Variants in MALRD1 observed in about 807,000 individuals in gnomAD.
The protein encoded by MALRD1 is MAM and LDL receptor class A domain containing 1, also known as MAM and LDL-receptor class A domain-containing protein 1.
Under a neutral mutation model 242.1 loss-of-function variants are expected in MALRD1, and 247 were observed. The observed-to-expected ratio is 1.02, with a 90% confidence interval of 0.92 to 1.13. The LOEUF is 1.13. Among genes scored for constraint, MALRD1 ranks in the 50% most tolerant of loss-of-function variants. The pLI is 0.00. For missense variants in MALRD1, 2,989 were observed against 2,533.1 expected, an observed-to-expected ratio of 1.18 and a Z score of -3.86; for synonymous variants, 995 against 866.6, an observed-to-expected ratio of 1.15 and a Z score of -2.60.
intron 32 of MALRD1, among the ~76,000 whole-genome samples, chr10:19,559,332 C>T (rs1051225422): frequency 2.0e-5 from 3 of 151,898 alleles, no homozygotes; most frequent in African/African-American, 2.4e-5. Context: ...AGAGGTTTAG[C>T]AATTTTATTA....
chr10:19,384,441 T>G (rs1449830500), intron 26 of MALRD1, among the ~76,000 whole-genome samples: 6 of 117,354 alleles, frequency 5.1e-5, no homozygotes, highest in Non-Finnish European at 8.2e-5. Flanking sequence ...TATTATATAT[T>G]ATATAGTATA....
chr10:19,076,925 T>C (rs1050146979), intron 2 of MALRD1, among the ~76,000 whole-genome samples: 5 of 152,002 alleles, frequency 3.3e-5, no homozygotes, highest in Non-Finnish European at 5.9e-5. Context: ...CAGGCTATCA[T>C]GCATCATGTC....
chr10:19,261,149 T>C (rs10827168), intron 19 of MALRD1, among the ~76,000 whole-genome samples: 48,232 of 151,938 alleles, frequency 0.32, 7,793 homozygotes, highest in Admixed American at 0.42. Flanking sequence ...CCTAATTATC[T>C]GGCTAAATCC....
At chr10:19,071,616 CT>C (rs1419928252) in intron 2 of MALRD1, among the ~76,000 whole-genome samples, 5 of 152,116 alleles carry the variant, frequency 3.3e-5, no homozygotes, top group Non-Finnish European at 7.4e-5. Flanking sequence ...ATGTTCATCA[CT>C]GAGTTTCCCA....
intron 28 of MALRD1, among the ~76,000 whole-genome samples, chr10:19,425,852 C>T (rs536262662): frequency 6.6e-6 from 1 of 152,078 alleles, no homozygotes; most frequent in Non-Finnish European, 1.5e-5. Context: ...TTAGAGTCTC[C>T]TTCGAACCAC....
chr10:19,574,267 G>T (rs1256880419), intron 33 of MALRD1, among the ~76,000 whole-genome samples: 1 of 152,172 alleles, frequency 6.6e-6, no homozygotes, highest in African/African-American at 2.4e-5. Context: ...ATCTTTGTCA[G>T]TTGTGTTCAA....
intron 18 of MALRD1, among the ~76,000 whole-genome samples, chr10:19,222,889 C>A (rs1337415335): frequency 6.6e-6 from 1 of 152,116 alleles, no homozygotes. Flanking sequence ...AGGTGTGGGG[C>A]CTCTTTGTAA....
At chr10:19,590,082 T>A (rs1266158872) in intron 33 of MALRD1, among the ~76,000 whole-genome samples, 1 of 152,078 alleles carries the variant, frequency 6.6e-6, no homozygotes, top group African/African-American at 2.4e-5. Context: ...AATGGACCAA[T>A]GTGCTTTATC....
intron 28 of MALRD1, among the ~76,000 whole-genome samples, chr10:19,419,285 T>A (rs940339568): frequency 1.6e-4 from 25 of 151,996 alleles, no homozygotes; most frequent in Admixed American, 1.4e-3. Context: ...CTTTCTTTCT[T>A]TGTTTTGTTT....
intron 36 of MALRD1, among the ~76,000 whole-genome samples, chr10:19,679,775 C>T (rs544486650): frequency 1.1e-4 from 17 of 151,932 alleles, no homozygotes; most frequent in South Asian, 4.2e-4. Flanking sequence ...TTGAGCTTTT[C>T]GATGTGGGGA....
At position 19,434,539 on chromosome 10, in the gene MALRD1, A is replaced by AT. The variant is rs1191034124; in HGVS notation, c.4846-15762dup. ...AAGAATATAACTTTTCTATTACTCA[A>AT]TTTTTTCCAAATTTTAATATTTTAC... On this transcript the variant is annotated intron_variant, in intron 28 of 39. Coordinates refer to ENST00000454679, the MANE Select transcript of MALRD1 (RefSeq NM_001142308.3). Among the ~76,000 whole-genome samples the AT allele has an allele frequency of 4.0e-5, 6 of 151,898 alleles. No homozygotes were observed. The East Asian group carries it at 7.7e-4, about 19-fold the overall frequency.
At chr10:19,272,316 A>G (rs1321382971) in intron 19 of MALRD1, among the ~76,000 whole-genome samples, 1 of 152,098 alleles carries the variant, frequency 6.6e-6, no homozygotes, top group Non-Finnish European at 1.5e-5. Flanking sequence ...AAGACATTTC[A>G]CAGACTAGGA....
intron 31 of MALRD1, among the ~76,000 whole-genome samples, chr10:19,506,737 T>C (rs1257495988): frequency 6.6e-6 from 1 of 152,158 alleles, no homozygotes; most frequent in Non-Finnish European, 1.5e-5. Flanking sequence ...AGTCATTATC[T>C]GATAAAAATA....
chr10:19,661,893 A>G (rs1432138076), intron 36 of MALRD1, among the ~76,000 whole-genome samples: 1 of 152,200 alleles, frequency 6.6e-6, no homozygotes, highest in Admixed American at 6.5e-5. Flanking sequence ...CTTAACTGCT[A>G]TTGTCAGAAA....
At chr10:19,514,012 A>G (rs958435331) in intron 31 of MALRD1, among the ~76,000 whole-genome samples, 1 of 152,206 alleles carries the variant, frequency 6.6e-6, no homozygotes, top group Non-Finnish European at 1.5e-5. Flanking sequence ...TACTTGTTAG[A>G]GTCCTTTCCG....
At chr10:19,546,032 C>T (rs759583204) in intron 32 of MALRD1, among the ~76,000 whole-genome samples, 20 of 152,074 alleles carry the variant, frequency 1.3e-4, no homozygotes, top group Non-Finnish European at 2.5e-4. Context: ...AATTATATTT[C>T]TTTCTTTATT....
chr10:19,332,271 A>T (rs1843411251), intron 24 of MALRD1, among the ~76,000 whole-genome samples: 1 of 150,992 alleles, frequency 6.6e-6, no homozygotes, highest in Admixed American at 6.6e-5. Context: ...ATTTCAGAGG[A>T]TTGTCATTTC....
At chr10:19,337,595 ATTGTTTATCTT>A (rs1228744045) in intron 24 of MALRD1, among the ~76,000 whole-genome samples, 2 of 151,998 alleles carry the variant, frequency 1.3e-5, no homozygotes, top group Non-Finnish European at 2.9e-5. Flanking sequence ...TTTTTACAGA[ATTGTTTATCTT>A]TTGTTGAGTT....
intron 5 of MALRD1, among the ~76,000 whole-genome samples, chr10:19,117,222 A>T (rs1836902142): frequency 6.6e-6 from 1 of 152,144 alleles, no homozygotes; most frequent in Non-Finnish European, 1.5e-5. Flanking sequence ...CTAAAATAAA[A>T]AGAGCTGTCC....
Sources: allele counts gnomAD v4.1 joint callset (sites outside exome capture counted in the v4.1 genomes callset), GRCh38; gene constraint gnomAD v4.1.1; transcripts MANE v1.5; gene names NCBI Gene and HGNC (gene_info 2026-07-23, HGNC 2026-07-21).